Variants in RIC1 observed in about 807,000 individuals in gnomAD.
RIC1 encodes RIC1 partner of RAB6A GEF complex.
In RIC1, 88 loss-of-function variants were observed where a neutral mutation model predicts 169.0. The ratio of observed to expected loss-of-function variants is 0.52; its 90% CI spans 0.44 to 0.62. RIC1 has a LOEUF of 0.62. Ranked by LOEUF, RIC1 falls within the 20% of genes least tolerant of loss-of-function variation. The probability of loss-of-function intolerance (pLI) is 0.00; values close to 1 mark genes in which losing one functional copy is unlikely to be tolerated. For synonymous variants in RIC1, 790 were observed against 601.5 expected, an observed-to-expected ratio of 1.31 and a Z score of -4.59; for missense variants, 1,877 against 1,725.5, an observed-to-expected ratio of 1.09 and a Z score of -1.56.
At chr9:5,666,941 G>T (rs1027388234) in intron 2 of RIC1, among the ~76,000 whole-genome samples, 1 of 152,042 alleles carries the variant, frequency 6.6e-6, no homozygotes, top group Non-Finnish European at 1.5e-5. Flanking sequence ...CAAAATTACT[G>T]GTAATGTTCT....
intron 6 of RIC1, among the ~76,000 whole-genome samples, chr9:5,727,489 T>G (rs202034298): frequency 1.3e-5 from 2 of 152,208 alleles, no homozygotes; most frequent in African/African-American, 2.4e-5. Flanking sequence ...CGAGCATCCT[T>G]CTTTAGCTTG....
chr9:5,734,356 G>T (rs938013725), intron 7 of RIC1, among the ~76,000 whole-genome samples: 3 of 151,592 alleles, frequency 2.0e-5, no homozygotes, highest in African/African-American at 7.3e-5. Context: ...CATCCACCTC[G>T]GCCTCCCAAA....
intron 19 of RIC1, among the ~76,000 whole-genome samples, chr9:5,764,655 A>C (rs1179928401): frequency 6.6e-6 from 1 of 152,214 alleles, no homozygotes; most frequent in Non-Finnish European, 1.5e-5. Context: ...GAGACACTCA[A>C]GCAGAGGCCA....
In RIC1 at chr9:5,680,964, C is replaced by G. The variant is rs996775819; in HGVS notation, c.253-8995C>G. 1.0e-4 allele frequency among the ~76,000 whole-genome samples: 15 copies of G among 149,834 alleles called. No homozygotes were observed. The East Asian group carries it at 2.4e-3, about 24-fold the overall frequency. On this transcript the variant is annotated intron_variant, in intron 2 of 25. Transcript: ENST00000414202. ...GCCTCAGCCTCCCGAGTAGCTGGGA[C>G]TACAGGCGCCCGCTACCACGCCCGG...
intron 9 of RIC1, 133 bp from the exon 10 acceptor site, chr9:5,743,556 G>A (rs1430200723): frequency 1.4e-6 from 1 of 701,074 alleles, no homozygotes; most frequent in East Asian, 2.7e-5. Flanking sequence ...CCACAGTTTT[G>A]TATTTCATGC....
chr9:5,728,315 G>C (rs1824131055), intron 6 of RIC1, among the ~76,000 whole-genome samples: 1 of 152,208 alleles, frequency 6.6e-6, no homozygotes, highest in South Asian at 2.1e-4. Context: ...AGTGAGCAAG[G>C]CTCCATGGGC....
intron 3 of RIC1, among the ~76,000 whole-genome samples, chr9:5,699,626 G>A (rs1041021393): frequency 6.6e-6 from 1 of 151,628 alleles, no homozygotes; most frequent in African/African-American, 2.4e-5. Flanking sequence ...CTCTAGATTT[G>A]TTCTGTTTCA....
rs1290186588 is a variant in RIC1 at position 5,753,617 on chromosome 9, A to C, written c.1573A>C (p.Lys525Gln). ...TGCACATTACTCTTTACTCACCAAAAAATGGAAACTTTTTGGAAACATTAC... is the reference window on the plus strand; with the variant it reads ...TGCACATTACTCTTTACTCACCAAACAATGGAAACTTTTTGGAAACATTAC... ...GFAHYSLLTK[K>Q]WKLFGNITQE... The change falls in exon 14 of 26, where the codon AAA (lysine) becomes CAA (glutamine). Residue 525 changes from lysine (K) to glutamine (Q), a missense_variant. Physicochemically the swap from Lys to Gln is moderately conservative, Grantham distance 53. Transcript: ENST00000414202. 5 of 1,607,574 alleles carry C rather than the reference A, an allele frequency of 3.1e-6. No homozygotes were observed.
intron 6 of RIC1, among the ~76,000 whole-genome samples, chr9:5,726,801 C>T (rs1343192127): frequency 1.3e-5 from 2 of 152,136 alleles, no homozygotes; most frequent in African/African-American, 2.4e-5. Context: ...TTTATTTCTC[C>T]TTCACTTACG....
At chr9:5,741,344 C>G (rs1216505467) in intron 8 of RIC1, among the ~76,000 whole-genome samples, 1 of 152,130 alleles carries the variant, frequency 6.6e-6, no homozygotes, top group Admixed American at 6.6e-5. Context: ...GAGACTTAGG[C>G]TTGCTGGATG....
At chr9:5,683,598 C>A (rs184917711) in intron 2 of RIC1, among the ~76,000 whole-genome samples, 1 of 152,284 alleles carries the variant, frequency 6.6e-6, no homozygotes, top group East Asian at 1.9e-4. Context: ...GGGTCAGGGA[C>A]CCACTTGAGG....
chr9:5,774,291 G>GC lies in RIC1; in HGVS notation c.*45_*46insC. 1.3e-6 allele frequency: 2 copies of GC among 1,509,174 alleles called. No homozygotes were observed. Among genetic ancestry groups the GC allele is most frequent in the Non-Finnish European group, 1.8e-6 (2 of 1,108,780 alleles). 93.5% of individuals were successfully genotyped at this position (1,509,174 alleles called of 1,614,324 possible). ...AGGGGCAGTATTAATTAGCAGCAGC[G>GC]TGCAGCTCAGTACGTTGTAACATAG... On this transcript the variant is annotated 3_prime_UTR_variant, in exon 26 of 26. Coordinates refer to ENST00000414202, the MANE Select transcript of RIC1 (RefSeq NM_020829.4).
At chr9:5,660,168 C>G (rs1234904044) in intron 2 of RIC1, among the ~76,000 whole-genome samples, 1 of 152,158 alleles carries the variant, frequency 6.6e-6, no homozygotes, top group African/African-American at 2.4e-5. Context: ...AACCATGTCC[C>G]TGCAAAGGAT....
intron 2 of RIC1, among the ~76,000 whole-genome samples, chr9:5,662,453 T>A (rs1258332515): frequency 6.9e-6 from 1 of 145,952 alleles, no homozygotes; most frequent in Non-Finnish European, 1.5e-5. Context: ...TGTGAATCTG[T>A]CTGTCCTGGG....
At chr9:5,650,962 A>G (rs1818769128) in intron 1 of RIC1, among the ~76,000 whole-genome samples, 1 of 152,204 alleles carries the variant, frequency 6.6e-6, no homozygotes, top group Admixed American at 6.5e-5. Context: ...CTTGTGCTCA[A>G]GGGCAGGATG....
At chr9:5,744,919 C>T (rs1388784658) in intron 10 of RIC1, among the ~76,000 whole-genome samples, 2 of 152,164 alleles carry the variant, frequency 1.3e-5, no homozygotes, top group African/African-American at 4.8e-5. Context: ...TCTCTTCTCT[C>T]TTGCTCCACA....
chr9:5,679,210 G>T (rs911242013), intron 2 of RIC1, among the ~76,000 whole-genome samples: 1 of 152,138 alleles, frequency 6.6e-6, no homozygotes. Flanking sequence ...CTATATCTCT[G>T]TTTTGGTACC....
At chr9:5,724,433 T>C (rs985494770) in intron 6 of RIC1, among the ~76,000 whole-genome samples, 1 of 152,256 alleles carries the variant, frequency 6.6e-6, no homozygotes, top group Non-Finnish European at 1.5e-5. Flanking sequence ...TTGCTGAAGT[T>C]GCCTATCAGC....
intron 4 of RIC1, among the ~76,000 whole-genome samples, chr9:5,718,345 A>G (rs1315821178): frequency 2.0e-5 from 3 of 152,088 alleles, no homozygotes; most frequent in Non-Finnish European, 4.4e-5. Context: ...TTTTAAGACA[A>G]TGTGATAGCC....
Sources: allele counts gnomAD v4.1 joint callset (sites outside exome capture counted in the v4.1 genomes callset), GRCh38; gene constraint gnomAD v4.1.1; transcripts MANE v1.5; gene names NCBI Gene and HGNC (gene_info 2026-07-23, HGNC 2026-07-21).